Variants in FHIT observed in about 807,000 individuals in gnomAD.
FHIT encodes the protein fragile histidine triad diadenosine triphosphatase.
In FHIT, 19 loss-of-function variants were observed where a neutral mutation model predicts 17.9. The ratio of observed to expected loss-of-function variants is 1.06; its 90% CI spans 0.74 to 1.56. The LOEUF (loss-of-function observed/expected upper bound fraction) is 1.56. Ranked by LOEUF, FHIT falls within the 40% of genes most tolerant of loss-of-function variation. The pLI, the probability that FHIT is intolerant of heterozygous loss-of-function variation, is 0.00. For synonymous variants in FHIT, 81 were observed against 69.7 expected (o/e 1.16, Z -0.81); for missense variants, 248 against 189.2 (o/e 1.31, Z -1.82).
At chr3:59,842,452 C>G (rs1701568094) in intron 8 of FHIT, among the ~76,000 whole-genome samples, 1 of 152,164 alleles carries the variant, frequency 6.6e-6, no homozygotes. Flanking sequence ...ATTGCTGGAT[C>G]ATATGGTAAT....
rs551980866 is a variant in FHIT, at chr3:59,917,374, T to G, written c.348+4972A>C. Among the ~76,000 whole-genome samples the G allele has an allele frequency of 3.3e-5, 5 of 152,284 alleles. No individual in the cohort carries two copies. In the East Asian group the frequency reaches 5.8e-4, roughly 18 times the overall value. ...CATTTGATGAATTGTCCAATACAGTTATGAGAGTTGGTTATTTGGGATACA... is the reference window on the plus strand; with the variant it reads ...CATTTGATGAATTGTCCAATACAGTGATGAGAGTTGGTTATTTGGGATACA... On this transcript the variant is annotated intron_variant, in intron 8 of 9. Coordinates refer to ENST00000492590, the MANE Select transcript of FHIT (RefSeq NM_002012.4).
At chr3:60,450,191 C>T (rs1247918529) in intron 5 of FHIT, among the ~76,000 whole-genome samples, 3 of 138,882 alleles carry the variant, frequency 2.2e-5, no homozygotes, top group Non-Finnish European at 4.4e-5. Context: ...AGCACTGTAC[C>T]CTTAAGGTTA....
chr3:59,894,113 G>GCACGCC (rs1396832985), intron 8 of FHIT, among the ~76,000 whole-genome samples: 1 of 152,000 alleles, frequency 6.6e-6, no homozygotes, highest in African/African-American at 2.4e-5. Flanking sequence ...GTGTGGTGGT[G>GCACGCC]CACGCCTGTA....
At chr3:60,101,808 A>C (rs1044241669) in intron 5 of FHIT, among the ~76,000 whole-genome samples, 5 of 152,282 alleles carry the variant, frequency 3.3e-5, no homozygotes, top group East Asian at 1.9e-4. Flanking sequence ...TTCCAGCCTT[A>C]TCAACCAGCG....
chr3:60,081,348 C>T (rs904402423), intron 5 of FHIT, among the ~76,000 whole-genome samples: 1 of 152,100 alleles, frequency 6.6e-6, no homozygotes, highest in Non-Finnish European at 1.5e-5. Context: ...ACTTGACCAA[C>T]AGTATAAATG....
chr3:60,424,486 C>T (rs1245221494), intron 5 of FHIT, among the ~76,000 whole-genome samples: 2 of 152,130 alleles, frequency 1.3e-5, no homozygotes, highest in African/African-American at 4.8e-5. Context: ...TCTGTCCTGT[C>T]TGGTCATCTT....
At chr3:60,372,886 T>G (rs75696588) in intron 5 of FHIT, among the ~76,000 whole-genome samples, 1 of 152,192 alleles carries the variant, frequency 6.6e-6, no homozygotes, top group Admixed American at 6.5e-5. Flanking sequence ...GGAAATCAAA[T>G]GACTTAGGCT....
At chr3:59,846,747 T>C (rs1701734872) in intron 8 of FHIT, among the ~76,000 whole-genome samples, 1 of 152,206 alleles carries the variant, frequency 6.6e-6, no homozygotes, top group African/African-American at 2.4e-5. Flanking sequence ...TTAGCATTTC[T>C]TGAAGGGCAG....
At chr3:60,510,460 A>C (rs2034906685) in intron 5 of FHIT, among the ~76,000 whole-genome samples, 1 of 152,190 alleles carries the variant, frequency 6.6e-6, no homozygotes. Context: ...TTGAATTTGA[A>C]TGGAGCATCT....
chr3:60,594,807 G>C (rs547931247), intron 4 of FHIT, among the ~76,000 whole-genome samples: 1 of 151,990 alleles, frequency 6.6e-6, no homozygotes, highest in South Asian at 2.1e-4. Context: ...TCCTGCCTGG[G>C]CCCTCTGCTA....
rs1159311831 is a variant in FHIT at position 60,514,811 on chromosome 3, T to TCACATGAAAGCGTTCCTACAGA, written c.103+22027_103+22048dup. Among the ~76,000 whole-genome samples, 90 of 151,786 alleles carry TCACATGAAAGCGTTCCTACAGA rather than the reference T, an allele frequency of 5.9e-4. 1 individual carries two copies. Among genetic ancestry groups the TCACATGAAAGCGTTCCTACAGA allele is most frequent in the Non-Finnish European group, 1.2e-3 (79 of 67,932 alleles). On this transcript the variant is annotated intron_variant, in intron 5 of 9. Coordinates refer to ENST00000492590, the MANE Select transcript of FHIT (RefSeq NM_002012.4). ...CCAGATCCATCAGGAGACACAGAAG[T>TCACATGAAAGCGTTCCTACAGA]CACATGAAAGCGTTCCTACAGACAC... is the stretch of plus-strand genomic sequence containing the variant.
chr3:60,391,104 C>T (rs34365876), intron 5 of FHIT, among the ~76,000 whole-genome samples: 3 of 152,072 alleles, frequency 2.0e-5, no homozygotes, highest in South Asian at 4.1e-4. Context: ...ACGAGAATTG[C>T]TTGAACCCAG....
chr3:61,167,925 C>A (rs2037889628), intron 2 of FHIT, among the ~76,000 whole-genome samples: 1 of 152,110 alleles, frequency 6.6e-6, no homozygotes, highest in South Asian at 2.1e-4. Context: ...CAAGATCTCT[C>A]AGCTGGTAAG....
intron 4 of FHIT, among the ~76,000 whole-genome samples, chr3:60,811,060 G>A (rs142980918): frequency 0.011 from 1,648 of 152,152 alleles, 19 homozygotes; most frequent in African/African-American, 0.037. Flanking sequence ...ATGAAACATG[G>A]ACAATAACAT....
At position 60,421,796 on chromosome 3, in the gene FHIT, T is replaced by C. The variant is rs1408574794; in HGVS notation, c.103+115064A>G. ...AAACAGGACATTCTGTTCTATTATT[T>C]TTATGTTGAGAATTGGGAAAATACA... On this transcript the variant is annotated intron_variant, in intron 5 of 9. Coordinates refer to ENST00000492590, the MANE Select transcript of FHIT (RefSeq NM_002012.4). Among the ~76,000 whole-genome samples the C allele has an allele frequency of 2.6e-5, 4 of 152,094 alleles. 1 individual carries two copies. In the South Asian group the frequency reaches 6.2e-4, roughly 24 times the overall value.
intron 1 of FHIT, among the ~76,000 whole-genome samples, chr3:61,219,353 G>A (rs1012664958): frequency 7.0e-6 from 1 of 142,624 alleles, no homozygotes; most frequent in Non-Finnish European, 1.5e-5. Context: ...GTGTGTGTGT[G>A]TGTGTGTGTG....
chr3:60,732,648 G>A (rs535081276), intron 4 of FHIT: 2 of 438,112 alleles, frequency 4.6e-6, no homozygotes, highest in Admixed American at 5.4e-5. Context: ...GCTGATAGTA[G>A]GGTGCTCCCG....
intron 2 of FHIT, among the ~76,000 whole-genome samples, chr3:61,110,056 C>G (rs913120266): frequency 6.6e-6 from 1 of 152,158 alleles, no homozygotes; most frequent in Non-Finnish European, 1.5e-5. Flanking sequence ...GACTGTCTAT[C>G]TCTACTTAGG....
At chr3:59,914,069 G>A (rs182841273) in intron 8 of FHIT, among the ~76,000 whole-genome samples, 1 of 152,256 alleles carries the variant, frequency 6.6e-6, no homozygotes, top group East Asian at 1.9e-4. Flanking sequence ...TATTAAAAGT[G>A]TTTGGTAGCA....
Sources: gnomAD v4.1 joint callset for allele counts (sites outside exome capture counted in the v4.1 genomes callset) on GRCh38, gnomAD v4.1.1 for gene constraint, MANE v1.5 for transcripts, NCBI Gene and HGNC (gene_info 2026-07-23, HGNC 2026-07-21) for gene names.